MDGA2: variants seen among roughly 807,000 people sequenced by gnomAD.
The protein encoded by MDGA2 is MAM domain-containing glycosylphosphatidylinositol anchor protein 2.
A neutral mutation model predicts 117.8 loss-of-function variants in MDGA2; 40 were observed. The observed-to-expected ratio is 0.34, with a 90% CI of 0.26 to 0.44. The LOEUF (loss-of-function observed/expected upper bound fraction) is 0.44. Among genes scored for constraint, MDGA2 ranks in the 20% least tolerant of loss-of-function variants. The pLI is 1.00. For synonymous variants in MDGA2, 452 were observed against 439.0 expected (o/e 1.03, Z -0.37); for missense variants, 1,123 against 1,250.6 (o/e 0.90, Z 1.54).
intron 1 of MDGA2, among the ~76,000 whole-genome samples, chr14:47,497,122 C>T (rs1025999771): frequency 7.2e-5 from 11 of 152,066 alleles, no homozygotes; most frequent in Admixed American, 3.3e-4. Flanking sequence ...TGTGACCCTG[C>T]GGGTTGGAGA....
chr14:47,030,749 C>T (rs1888635507), intron 8 of MDGA2, among the ~76,000 whole-genome samples: 1 of 151,946 alleles, frequency 6.6e-6, no homozygotes, highest in Non-Finnish European at 1.5e-5. Context: ...GTTATTAAAA[C>T]ATTACATTGT....
Position 47,155,852 on chromosome 14 carries a change from A to AT in MDGA2, c.596-11579dup, listed in dbSNP as rs564291873. 4.5e-4 allele frequency among the ~76,000 whole-genome samples: 54 copies of AT among 118,734 alleles called. No individual in the cohort carries two copies. The South Asian group carries it at 8.9e-3, about 20-fold the overall frequency. The allele number at this position is 118,734 out of a possible 152,430, so 77.9% of individuals were successfully genotyped here. A position where few individuals can be genotyped will look rare whatever the true frequency, so the allele number is the denominator to read the frequency against. ...GGGTCTTGCGACATTTTTTATATGAATTTTTTTACAATTCTTTTCTTTTCT... is the reference window on the plus strand; with the variant it reads ...GGGTCTTGCGACATTTTTTATATGAATTTTTTTTACAATTCTTTTCTTTTCT... On this transcript the variant is annotated intron_variant, in intron 3 of 16. Transcript: ENST00000399232.
At chr14:47,119,349 G>A (rs1180456503) in intron 5 of MDGA2, among the ~76,000 whole-genome samples, 1 of 152,112 alleles carries the variant, frequency 6.6e-6, no homozygotes, top group Non-Finnish European at 1.5e-5. Context: ...ACAGGCGTGA[G>A]CCACCGGGCC....
At chr14:47,418,494 T>A (rs1348038529) in intron 1 of MDGA2, among the ~76,000 whole-genome samples, 1 of 152,230 alleles carries the variant, frequency 6.6e-6, no homozygotes, top group East Asian at 1.9e-4. Context: ...GGCTTCTTAC[T>A]ATGTCCTCAC....
Position 46,954,310 on chromosome 14 carries a change from C to G in MDGA2, c.2089+3064G>C, listed in dbSNP as rs115611197. Among the ~76,000 whole-genome samples the G allele has an allele frequency of 4.3e-3, 656 of 152,020 alleles. 4 individuals carry two copies. Among genetic ancestry groups the G allele is most frequent in the African/African-American group, 0.015 (617 of 41,490 alleles). ...CAGTTGACAAAACTGTTCTATTCAT[C>G]TCGTATAATTTTTAACAGCAGGGTT... On this transcript the variant is annotated intron_variant, in intron 9 of 16. Coordinates refer to ENST00000399232, the MANE Select transcript of MDGA2 (RefSeq NM_001113498.3).
chr14:46,994,759 TA>T (rs1887224946), intron 8 of MDGA2, among the ~76,000 whole-genome samples: 1 of 152,180 alleles, frequency 6.6e-6, no homozygotes, highest in Non-Finnish European at 1.5e-5. Context: ...CCCTTAAGTA[TA>T]AAGCTTCTAA....
chr14:47,229,857 G>A (rs1886630653), intron 2 of MDGA2, among the ~76,000 whole-genome samples: 1 of 151,912 alleles, frequency 6.6e-6, no homozygotes, highest in Non-Finnish European at 1.5e-5. Context: ...ATAAATACAG[G>A]AGGATATTCC....
At chr14:47,474,080 C>T (rs1352520078) in intron 1 of MDGA2, among the ~76,000 whole-genome samples, 3 of 152,138 alleles carry the variant, frequency 2.0e-5, no homozygotes, top group Non-Finnish European at 2.9e-5. Context: ...ATCTAGAAAA[C>T]CCGACTGTCT....
intron 1 of MDGA2, among the ~76,000 whole-genome samples, chr14:47,645,480 C>A (rs190522832): frequency 7.3e-5 from 11 of 151,686 alleles, no homozygotes; most frequent in African/African-American, 2.7e-4. Context: ...AAGATCCGCC[C>A]GCCTCGTCCT....
At position 46,993,934 on chromosome 14, in the gene MDGA2, T is replaced by C. The variant is rs377495581; in HGVS notation, c.1820-36291A>G. Among the ~76,000 whole-genome samples, 42 of 152,252 alleles carry C rather than the reference T, an allele frequency of 2.8e-4. No individual in the cohort carries two copies. In the East Asian group the frequency reaches 4.8e-3, roughly 17 times the overall value. ...CGTGATACAAGTGTCTTTGCTTAGG[T>C]TGGGAACTGGTCACACCCAACAATC... On this transcript the variant is annotated intron_variant, in intron 8 of 16. Transcript: ENST00000399232.
chr14:47,627,384 G>C (rs1897166748), intron 1 of MDGA2, among the ~76,000 whole-genome samples: 1 of 151,576 alleles, frequency 6.6e-6, no homozygotes, highest in Non-Finnish European at 1.5e-5. Flanking sequence ...GTGGGGACTT[G>C]GAGAACCTTT....
At chr14:47,648,822 G>A (rs1897585291) in intron 1 of MDGA2, among the ~76,000 whole-genome samples, 1 of 152,012 alleles carries the variant, frequency 6.6e-6, no homozygotes, top group Admixed American at 6.6e-5. Flanking sequence ...CTTAACTTTG[G>A]AATTTCTTCA....
intron 1 of MDGA2, among the ~76,000 whole-genome samples, chr14:47,302,133 AC>A: frequency 6.6e-6 from 1 of 152,324 alleles, no homozygotes; most frequent in African/African-American, 2.4e-5. Flanking sequence ...AAGACAATAT[AC>A]CATTGTCGCC....
chr14:47,228,707 T>G (rs966892986), intron 2 of MDGA2, among the ~76,000 whole-genome samples: 1 of 152,138 alleles, frequency 6.6e-6, no homozygotes, highest in African/African-American at 2.4e-5. Flanking sequence ...TATGACATAT[T>G]ATAATGAAAG....
At chr14:46,977,971 G>A (rs1886530876) in intron 8 of MDGA2, among the ~76,000 whole-genome samples, 1 of 151,738 alleles carries the variant, frequency 6.6e-6, no homozygotes, top group Non-Finnish European at 1.5e-5. Flanking sequence ...AGTGAGTAGA[G>A]GTTGTTTTCT....
intron 4 of MDGA2, among the ~76,000 whole-genome samples, chr14:47,142,429 C>T (rs1342317392): frequency 6.7e-6 from 1 of 150,306 alleles, no homozygotes; most frequent in African/African-American, 2.5e-5. Context: ...GGTGACAGAG[C>T]AAGGCTCCAT....
chr14:47,378,979 A>T (rs1215879204), intron 1 of MDGA2, among the ~76,000 whole-genome samples: 1 of 152,200 alleles, frequency 6.6e-6, no homozygotes, highest in Admixed American at 6.5e-5. Context: ...AAGGTCGGTT[A>T]CCCACAAAGG....
At chr14:46,998,137 T>C (rs144914275) in intron 8 of MDGA2, among the ~76,000 whole-genome samples, 63 of 152,196 alleles carry the variant, frequency 4.1e-4, no homozygotes, top group Middle Eastern at 3.4e-3. Flanking sequence ...TGAAATATCA[T>C]AGGGCTTAGA....
chr14:46,904,974 G>A (rs556692561), intron 10 of MDGA2, among the ~76,000 whole-genome samples: 4 of 152,148 alleles, frequency 2.6e-5, no homozygotes, highest in Non-Finnish European at 5.9e-5. Context: ...GGGAATCTCT[G>A]TAACTATGAG....
Sources: allele counts gnomAD v4.1 joint callset (sites outside exome capture counted in the v4.1 genomes callset), GRCh38; gene constraint gnomAD v4.1.1; transcripts MANE v1.5; gene names NCBI Gene and HGNC (gene_info 2026-07-23, HGNC 2026-07-21).